Variants in LMX1B observed in about 807,000 individuals in gnomAD.
LMX1B encodes LIM homeobox transcription factor 1-beta.
A neutral mutation model predicts 51.4 loss-of-function variants in LMX1B; 12 were observed. The ratio of observed to expected loss-of-function variants is 0.23; its 90% CI spans 0.15 to 0.38. The LOEUF (loss-of-function observed/expected upper bound fraction) is 0.38, where lower values mean the gene tolerates loss of function less well. Ranked by LOEUF, LMX1B falls within the 10% of genes least tolerant of loss-of-function variation. The probability of loss-of-function intolerance (pLI) is 1.00; values close to 1 mark genes in which losing one functional copy is unlikely to be tolerated. For missense variants in LMX1B, 445 were observed against 571.1 expected (o/e 0.78, Z 2.25); for synonymous variants, 237 against 235.4 (o/e 1.01, Z -0.06).
intron 6 of LMX1B, among the ~76,000 whole-genome samples, chr9:126,694,255 T>C (rs1588308140): frequency 6.6e-6 from 1 of 151,434 alleles, no homozygotes; most frequent in African/African-American, 2.4e-5. Flanking sequence ...CAAGGGGGGG[T>C]ATTGCCATGT....
intron 2 of LMX1B, among the ~76,000 whole-genome samples, chr9:126,623,554 G>A (rs1415453235): frequency 6.6e-6 from 1 of 152,144 alleles, no homozygotes; most frequent in Non-Finnish European, 1.5e-5. Context: ...ATTTTTCCCG[G>A]CCCAGAGTTA....
At chr9:126,662,672 G>A (rs1836268064) in intron 2 of LMX1B, among the ~76,000 whole-genome samples, 2 of 152,248 alleles carry the variant, frequency 1.3e-5, no homozygotes, top group Non-Finnish European at 2.9e-5. Flanking sequence ...GCTGGGAGCC[G>A]GTGGGCGGCC....
intron 2 of LMX1B, among the ~76,000 whole-genome samples, chr9:126,670,889 G>A (rs1037137745): frequency 3.3e-5 from 5 of 152,226 alleles, no homozygotes; most frequent in Non-Finnish European, 7.3e-5. Flanking sequence ...GGTAAGTGAA[G>A]ACTTACTGTG....
intron 2 of LMX1B, among the ~76,000 whole-genome samples, chr9:126,636,682 T>C (rs984291264): frequency 6.6e-6 from 1 of 152,164 alleles, no homozygotes; most frequent in Non-Finnish European, 1.5e-5. Flanking sequence ...CGACTGCAAG[T>C]ACACGTGTGC....
chr9:126,614,717 C>G, intron 1 of LMX1B, 129 bp downstream of exon 1: 1 of 1,079,060 alleles, frequency 9.3e-7, no homozygotes, highest in Non-Finnish European at 1.3e-6. Context: ...GAGGCAGAGA[C>G]AGGACTCCTG....
intron 2 of LMX1B, among the ~76,000 whole-genome samples, chr9:126,646,859 G>A (rs919192464): frequency 6.6e-6 from 1 of 152,094 alleles, no homozygotes; most frequent in Non-Finnish European, 1.5e-5. Context: ...TTGAACAACC[G>A]GCTCCTAACA....
chr9:126,665,110 G>A (rs978112718), intron 2 of LMX1B, among the ~76,000 whole-genome samples: 1 of 152,218 alleles, frequency 6.6e-6, no homozygotes, highest in Non-Finnish European at 1.5e-5. Context: ...TGCTGTTCTT[G>A]TTAGTTTTAT....
intron 2 of LMX1B, among the ~76,000 whole-genome samples, chr9:126,653,011 G>A (rs569314994): frequency 6.6e-6 from 1 of 152,268 alleles, no homozygotes; most frequent in South Asian, 2.1e-4. Context: ...AGGGCCCAGG[G>A]TTGCCTGAAG....
intron 2 of LMX1B, among the ~76,000 whole-genome samples, chr9:126,656,890 C>T (rs1325184185): frequency 6.6e-6 from 1 of 152,198 alleles, no homozygotes; most frequent in Non-Finnish European, 1.5e-5. Context: ...GGCTGAATGC[C>T]CCTTGAGGCA....
Position 126,616,118 on chromosome 9 carries a change from C to G in LMX1B, c.326+549C>G, listed in dbSNP as rs909944224. On this transcript the variant is annotated intron_variant, in intron 2 of 7. Transcript: ENST00000373474. ...GGAGAGAAAAGAATGTCCATATTCCCCAAACCGTTCCATGCGGGAATTTTG... is the reference window on the plus strand; with the variant it reads ...GGAGAGAAAAGAATGTCCATATTCCGCAAACCGTTCCATGCGGGAATTTTG... 4.6e-5 allele frequency among the ~76,000 whole-genome samples: 7 copies of G among 152,314 alleles called. No individual in the cohort carries two copies. In the East Asian group the frequency reaches 1.4e-3, roughly 29 times the overall value.
intron 2 of LMX1B, among the ~76,000 whole-genome samples, chr9:126,632,621 A>G (rs1464713424): frequency 6.6e-6 from 1 of 152,124 alleles, no homozygotes; most frequent in Non-Finnish European, 1.5e-5. Context: ...GGAGGAGGCT[A>G]TTGCCACCTT....
At chr9:126,637,112 G>A (rs977990126) in intron 2 of LMX1B, among the ~76,000 whole-genome samples, 6 of 152,256 alleles carry the variant, frequency 3.9e-5, no homozygotes, top group African/African-American at 7.2e-5. Context: ...GGGAGTTATC[G>A]CTGCTGCAAG....
chr9:126,693,687 G>A, intron 5 of LMX1B, 59 bp from the exon 6 acceptor site: 1 of 1,591,194 alleles, frequency 6.3e-7, no homozygotes, highest in East Asian at 2.3e-5. Flanking sequence ...AGGGGGCGTG[G>A]GGCTGGCTGT....
rs1432291633 is a variant in LMX1B, at chr9:126,671,973, T to C, written c.327-18863T>C. The stretch of plus-strand genomic sequence containing the variant: ...TCATCTTCCTTATTAAAAACCAGCC[T>C]TGATGCTCCCGAGCCCCAGCTGTGG... On this transcript the variant is annotated intron_variant, in intron 2 of 7. Coordinates refer to ENST00000373474, the MANE Select transcript of LMX1B (RefSeq NM_001174147.2). The surrounding 1 kb of genome is among the most constrained non-coding windows in gnomAD (Gnocchi z 4.4). Among the ~76,000 whole-genome samples, 1 of 152,242 alleles carries C rather than the reference T, an allele frequency of 6.6e-6. No homozygotes were observed. The highest frequency in any genetic ancestry group is 2.1e-4 in the South Asian group (1 of 4,836).
chr9:126,693,732 C>G lies in LMX1B; in HGVS notation c.820-14C>G. ...CGAGGGGCAGCACCGGCCTGAACTG[C>G]GCTCTCCCTGCAGATGAAGAAGCTG... On this transcript the variant is annotated splice_polypyrimidine_tract_variant and intron_variant, in intron 5 of 7. Transcript: ENST00000373474. The G allele has an allele frequency of 6.4e-7, 1 of 1,563,760 alleles. No individual in the cohort carries two copies. Among genetic ancestry groups the G allele is most frequent in the East Asian group, 2.3e-5 (1 of 42,642 alleles).
At chr9:126,648,294 A>G (rs1835939435) in intron 2 of LMX1B, among the ~76,000 whole-genome samples, 2 of 152,330 alleles carry the variant, frequency 1.3e-5, no homozygotes, top group South Asian at 4.1e-4. Context: ...TTATAGGCGC[A>G]TTAAGGAGGC....
At chr9:126,689,795 C>T (rs1378678506) in intron 2 of LMX1B, among the ~76,000 whole-genome samples, 4 of 152,234 alleles carry the variant, frequency 2.6e-5, no homozygotes, top group Non-Finnish European at 5.9e-5. Flanking sequence ...TTGCCTCCAG[C>T]ATTTACTACC....
rs1402800791 is a variant in LMX1B at position 126,698,592 on chromosome 9, C to T, written c.*2141C>T. The T allele has an allele frequency of 1.3e-5, 2 of 152,528 alleles. No homozygotes were observed. Among genetic ancestry groups the T allele is most frequent in the African/African-American group, 4.8e-5 (2 of 41,460 alleles). The allele number at this position is 152,528 out of a possible 1,614,324, so 9.4% of individuals were successfully genotyped here. On this transcript the variant is annotated 3_prime_UTR_variant, in exon 8 of 8. Transcript: ENST00000373474. ...CCTGACTGGTGAGCCCACCCTGTCC[C>T]CTGGTGATCACTGTGTCCCCTTGTT...
intron 2 of LMX1B, among the ~76,000 whole-genome samples, chr9:126,648,305 T>G (rs1311592530): frequency 6.6e-6 from 1 of 152,198 alleles, no homozygotes; most frequent in African/African-American, 2.4e-5. Context: ...TTAAGGAGGC[T>G]TCGAGGCTCC....
Sources: allele counts gnomAD v4.1 joint callset (sites outside exome capture counted in the v4.1 genomes callset), GRCh38; gene constraint gnomAD v4.1.1; non-coding constraint Gnocchi (gnomAD v3.1); transcripts MANE v1.5; gene names NCBI Gene and HGNC (gene_info 2026-07-23, HGNC 2026-07-21).